DHX57: variants seen among roughly 807,000 people sequenced by gnomAD.
DHX57 encodes the protein DExH-box helicase 57.
Under a neutral mutation model 156.2 loss-of-function variants are expected in DHX57, and 105 were observed. The ratio of observed to expected loss-of-function variants is 0.67; its 90% CI spans 0.57 to 0.79. DHX57 has a LOEUF of 0.79. DHX57 is among the 30% of genes least tolerant of loss of function. The pLI is 0.00. For missense variants in DHX57, 1,847 were observed against 1,661.9 expected, an observed-to-expected ratio of 1.11 and a Z score of -1.94; for synonymous variants, 704 against 595.6, an observed-to-expected ratio of 1.18 and a Z score of -2.65.
rs1467087485 is a variant in DHX57, at chr2:38,823,176, T to C, written c.3108A>G (p.Ser1036=). The change falls in exon 17 of 24, where the codon TCA becomes TCG. Residue 1036 remains serine, a synonymous_variant. Transcript: ENST00000457308. The part of the protein sequence containing the change: ...EPPHTDSLRA[S]KIRLRDLGAL... ...CTCCTAAGTCTCGTAATCGTATTTTTGAGGCACGAAGAGAATCGGTGTGTG... is the reference window on the plus strand; with the variant it reads ...CTCCTAAGTCTCGTAATCGTATTTTCGAGGCACGAAGAGAATCGGTGTGTG... 1.2e-6 allele frequency: 2 copies of C among 1,614,026 alleles called. No individual in the cohort carries two copies. The highest frequency in any genetic ancestry group is 1.7e-6 in the Non-Finnish European group (2 of 1,180,046).
At chr2:38,834,680 C>A (rs1671563026) in intron 13 of DHX57, among the ~76,000 whole-genome samples, 1 of 152,056 alleles carries the variant, frequency 6.6e-6, no homozygotes, top group African/African-American at 2.4e-5. Context: ...TCCCGAGAAG[C>A]AGAGAAAAGT....
intron 19 of DHX57, chr2:38,815,940 T>C (rs3796040): frequency 0.012 from 5,393 of 433,102 alleles, 90 homozygotes; most frequent in East Asian, 0.045. Context: ...AACACTCTCA[T>C]TGGATTTTGG....
intron 19 of DHX57, chr2:38,816,090 C>T (rs1169411137): frequency 2.1e-6 from 1 of 470,732 alleles, no homozygotes; most frequent in Admixed American, 2.4e-5. Flanking sequence ...CTCTCAGTTC[C>T]TTACTCAGGC....
intron 13 of DHX57, 104 bp from the exon 14 acceptor site, chr2:38,828,540 C>G (rs967631647): frequency 1.6e-5 from 12 of 744,388 alleles, no homozygotes; most frequent in Middle Eastern, 4.0e-4. Flanking sequence ...AAATGAAAAA[C>G]TAATATAGAT....
intron 1 of DHX57, among the ~76,000 whole-genome samples, chr2:38,869,292 A>T (rs1665244850): frequency 6.6e-6 from 1 of 152,208 alleles, no homozygotes; most frequent in African/African-American, 2.4e-5. Flanking sequence ...TCCATTTACA[A>T]TGGAGTGTGG....
At chr2:38,809,904 A>AT (rs1007992278) in intron 21 of DHX57, among the ~76,000 whole-genome samples, 1 of 150,880 alleles carries the variant, frequency 6.6e-6, no homozygotes, top group African/African-American at 2.4e-5. Flanking sequence ...TTATTTATTT[A>AT]TTTTTTTGAG....
chr2:38,803,491 T>G (rs1037830155), intron 22 of DHX57, among the ~76,000 whole-genome samples: 1 of 3,872 alleles, frequency 2.6e-4, no homozygotes, highest in Non-Finnish European at 0.018. Flanking sequence ...GCTAACAAAT[T>G]TTTTTTTTTT....
intron 13 of DHX57, among the ~76,000 whole-genome samples, chr2:38,836,080 C>T (rs934153940): frequency 2.6e-5 from 4 of 152,170 alleles, no homozygotes; most frequent in Admixed American, 1.3e-4. Flanking sequence ...GACAGTCTGG[C>T]AGAAAGACTC....
chr2:38,866,540 G>A (rs1182741837), intron 2 of DHX57, among the ~76,000 whole-genome samples: 1 of 151,924 alleles, frequency 6.6e-6, no homozygotes, highest in African/African-American at 2.4e-5. Context: ...CATAGCATGC[G>A]GCACCTGGTA....
chr2:38,839,261 G>T (rs1033081067), intron 12 of DHX57, among the ~76,000 whole-genome samples: 2 of 151,180 alleles, frequency 1.3e-5, no homozygotes, highest in African/African-American at 4.9e-5. Flanking sequence ...ATAGTATATT[G>T]TTGGGGTGAC....
chr2:38,855,318 C>T lies in DHX57; in HGVS notation c.1710-66G>A, dbSNP rs767905774. The T allele has an allele frequency of 2.7e-6, 4 of 1,490,262 alleles. No homozygotes were observed. In the South Asian group the frequency reaches 4.5e-5, roughly 17 times the overall value. 92.3% of individuals were successfully genotyped at this position (1,490,262 alleles called of 1,614,324 possible). ...AGGGCTAGTTAACTAAAGAAGCAAT[C>T]ATATGGAATGAGAAAAGTGATAAAG... On this transcript the variant is annotated intron_variant, in intron 7 of 23. Transcript: ENST00000457308.
intron 17 of DHX57, among the ~76,000 whole-genome samples, chr2:38,822,138 G>A (rs887827818): frequency 6.6e-6 from 1 of 152,008 alleles, no homozygotes; most frequent in Non-Finnish European, 1.5e-5. Flanking sequence ...AGGCTGGAGT[G>A]CAATGGCGCG....
chr2:38,845,217 A>AC (rs1210549985), intron 11 of DHX57, among the ~76,000 whole-genome samples: 1 of 151,944 alleles, frequency 6.6e-6, no homozygotes, highest in Non-Finnish European at 1.5e-5. Flanking sequence ...AAACAAACAA[A>AC]AAAAAACCCA....
chr2:38,823,302 T>C lies in DHX57; in HGVS notation c.3015-33A>G, dbSNP rs1670923713. 6 of 1,590,592 alleles carry C rather than the reference T, an allele frequency of 3.8e-6. No homozygotes were observed. The South Asian group carries it at 5.6e-5, about 15-fold the overall frequency. On this transcript the variant is annotated intron_variant, in intron 16 of 23. Coordinates refer to ENST00000457308, the MANE Select transcript of DHX57 (RefSeq NM_198963.3). ...GGAAACAAAATAATAATTTGTCAATTTTATTTCTGGTGGGATGACACAGAG... is the reference window on the plus strand; with the variant it reads ...GGAAACAAAATAATAATTTGTCAATCTTATTTCTGGTGGGATGACACAGAG...
At chr2:38,811,566 T>A in intron 21 of DHX57, 1 of 1,322,554 alleles carries the variant, frequency 7.6e-7, no homozygotes. Flanking sequence ...GGCAATAATG[T>A]CATAGCCTTG....
intron 21 of DHX57, chr2:38,811,700 T>C: frequency 2.3e-6 from 2 of 883,938 alleles, no homozygotes; most frequent in Non-Finnish European, 3.5e-6. Flanking sequence ...GGAATCTGTC[T>C]TCATGGCTCA....
At chr2:38,806,922 T>A (rs560667611) in intron 21 of DHX57, among the ~76,000 whole-genome samples, 156 of 151,404 alleles carry the variant, frequency 1.0e-3, no homozygotes, top group African/African-American at 3.6e-3. Flanking sequence ...GCTCTGGGTG[T>A]CTATACCACA....
Position 38,848,803 on chromosome 2 carries a change from G to A in DHX57, c.2031-401C>T, listed in dbSNP as rs910461474. 1.6e-4 allele frequency among the ~76,000 whole-genome samples: 24 copies of A among 152,256 alleles called. No homozygotes were observed. In the East Asian group the frequency reaches 4.4e-3, roughly 28 times the overall value. On this transcript the variant is annotated intron_variant, in intron 9 of 23. Coordinates refer to ENST00000457308, the MANE Select transcript of DHX57 (RefSeq NM_198963.3). ...CTGTGAAATAAAGTTGGTATACATT[G>A]AACCATCGGAGAGCAAAGGTGTCAG...
chr2:38,854,858 G>A, intron 8 of DHX57, 199 bp downstream of exon 8: 1 of 506,670 alleles, frequency 2.0e-6, no homozygotes, highest in Non-Finnish European at 3.4e-6. Flanking sequence ...CACCGCGCCT[G>A]GCCATAAGAG....
Sources: gnomAD v4.1 joint callset for allele counts (sites outside exome capture counted in the v4.1 genomes callset) on GRCh38, gnomAD v4.1.1 for gene constraint, MANE v1.5 for transcripts, NCBI Gene and HGNC (gene_info 2026-07-23, HGNC 2026-07-21) for gene names.